The following TEAD1 variants were observed in gnomAD, a reference collection of about 807,000 sequenced individuals.
TEAD1 encodes the protein transcriptional enhancer factor TEF-1.
In TEAD1, 9 loss-of-function variants were observed where a neutral mutation model predicts 54.9. That is an observed-to-expected ratio of 0.16 (90% confidence interval 0.10 to 0.29). TEAD1 has a LOEUF of 0.29. Among genes scored for constraint, TEAD1 ranks in the 10% least tolerant of loss-of-function variants. The probability of loss-of-function intolerance (pLI) is 1.00; values close to 1 mark genes in which losing one functional copy is unlikely to be tolerated. For missense variants in TEAD1, 387 were observed against 535.9 expected, an observed-to-expected ratio of 0.72 and a Z score of 2.74; for synonymous variants, 200 against 187.8, an observed-to-expected ratio of 1.07 and a Z score of -0.53.
intron 2 of TEAD1, among the ~76,000 whole-genome samples, chr11:12,743,584 T>C (rs2133895551): frequency 6.6e-6 from 1 of 152,316 alleles, no homozygotes; most frequent in East Asian, 1.9e-4. Flanking sequence ...AACAGCCCCC[T>C]GCTAGGCATC....
intron 2 of TEAD1, among the ~76,000 whole-genome samples, chr11:12,694,873 G>A (rs1943546944): frequency 6.6e-6 from 1 of 152,232 alleles, no homozygotes; most frequent in Admixed American, 6.5e-5. Context: ...AATAGCATGG[G>A]TAGACAAACC....
At chr11:12,912,177 A>G (rs1295363339) in intron 10 of TEAD1, among the ~76,000 whole-genome samples, 1 of 152,180 alleles carries the variant, frequency 6.6e-6, no homozygotes, top group Admixed American at 6.5e-5. Flanking sequence ...AAGTCATTCA[A>G]CAAACATTTG....
At chr11:12,733,124 C>T (rs1944456955) in intron 2 of TEAD1, among the ~76,000 whole-genome samples, 1 of 152,204 alleles carries the variant, frequency 6.6e-6, no homozygotes, top group South Asian at 2.1e-4. Flanking sequence ...GATCCCTCAC[C>T]TGTTAAAGGA....
intron 3 of TEAD1, among the ~76,000 whole-genome samples, chr11:12,812,239 C>T (rs1530175): frequency 0.022 from 3,393 of 152,232 alleles, 146 homozygotes; most frequent in African/African-American, 0.076. Flanking sequence ...CCTCTTGCCA[C>T]CACTTATTCA....
At chr11:12,885,147 A>T (rs1430072727) in intron 9 of TEAD1, among the ~76,000 whole-genome samples, 2 of 152,184 alleles carry the variant, frequency 1.3e-5, no homozygotes, top group Admixed American at 1.3e-4. Context: ...AAACAGAAGG[A>T]AACAGGAGCC....
intron 3 of TEAD1, among the ~76,000 whole-genome samples, chr11:12,851,683 C>T (rs563225828): frequency 4.6e-5 from 7 of 151,972 alleles, no homozygotes; most frequent in African/African-American, 1.7e-4. Flanking sequence ...AACTGTAATC[C>T]CAGCTACTTG....
chr11:12,913,244 C>G (rs1948649617), intron 10 of TEAD1, among the ~76,000 whole-genome samples: 1 of 152,058 alleles, frequency 6.6e-6, no homozygotes, highest in Non-Finnish European at 1.5e-5. Context: ...ACGGTACCTC[C>G]TACCCCCCAG....
intron 2 of TEAD1, among the ~76,000 whole-genome samples, chr11:12,703,950 T>G (rs1564912210): frequency 6.6e-6 from 1 of 152,222 alleles, no homozygotes; most frequent in African/African-American, 2.4e-5. Context: ...GCAAATTGGC[T>G]AAAACCCTAA....
At chr11:12,931,693 G>T (rs185810450) in intron 12 of TEAD1, among the ~76,000 whole-genome samples, 1 of 152,008 alleles carries the variant, frequency 6.6e-6, no homozygotes, top group African/African-American at 2.4e-5. Context: ...TCAAGCTACC[G>T]ATAGCTATTC....
chr11:12,808,876 C>T (rs1040027712), intron 3 of TEAD1, among the ~76,000 whole-genome samples: 1 of 151,994 alleles, frequency 6.6e-6, no homozygotes, highest in Admixed American at 6.6e-5. Context: ...GCTCCCATTC[C>T]ATAAGGTGGC....
In TEAD1 at chr11:12,723,761, A is replaced by G. The variant is rs149949646; in HGVS notation, c.-54-40418A>G. 3.6e-3 allele frequency among the ~76,000 whole-genome samples: 555 copies of G among 152,352 alleles called. 5 individuals are homozygous for G. The highest frequency in any genetic ancestry group is 0.013 in the African/African-American group (528 of 41,576). ...AATTATGTAGTACAGAGTGAGGATA[A>G]AGAAAATCACAGTATTGTAACACAT... On this transcript the variant is annotated intron_variant, in intron 2 of 12. Transcript: ENST00000527636.
chr11:12,745,269 G>A (rs549459672), intron 2 of TEAD1, among the ~76,000 whole-genome samples: 1 of 152,202 alleles, frequency 6.6e-6, no homozygotes, highest in South Asian at 2.1e-4. Flanking sequence ...ACGGTGTGAT[G>A]TGCCCTGCAT....
chr11:12,819,641 C>T lies in TEAD1; in HGVS notation c.203-42609C>T, dbSNP rs1300180426. ...TTTTTTTTTGTATTTTTAGTAGAGA[C>T]GGGGTTTCACCATGTTAGCCAGGAT... On this transcript the variant is annotated intron_variant, in intron 3 of 12. Transcript: ENST00000527636. Among the ~76,000 whole-genome samples, 6 of 151,546 alleles carry T rather than the reference C, an allele frequency of 4.0e-5. No homozygotes were observed. The South Asian group carries it at 8.4e-4, about 21-fold the overall frequency.
At chr11:12,830,629 G>GCT (rs1418540731) in intron 3 of TEAD1, among the ~76,000 whole-genome samples, 2 of 152,014 alleles carry the variant, frequency 1.3e-5, no homozygotes, top group Admixed American at 1.3e-4. Context: ...TCTAGAACGT[G>GCT]CTCATCCTTT....
intron 9 of TEAD1, among the ~76,000 whole-genome samples, chr11:12,895,610 T>G (rs532391465): frequency 6.6e-6 from 1 of 152,344 alleles, no homozygotes; most frequent in African/African-American, 2.4e-5. Context: ...GTTCTTTCCC[T>G]TCCTCAGAAA....
chr11:12,803,618 G>A (rs767062322), intron 3 of TEAD1, among the ~76,000 whole-genome samples: 5 of 152,308 alleles, frequency 3.3e-5, no homozygotes, highest in South Asian at 2.1e-4. Context: ...GTGGCTCTCC[G>A]TGCTGGGACG....
chr11:12,885,402 A>C (rs1459280300), intron 9 of TEAD1, among the ~76,000 whole-genome samples: 1 of 151,484 alleles, frequency 6.6e-6, no homozygotes, highest in Non-Finnish European at 1.5e-5. Context: ...CGCCTGGCTA[A>C]TTTTTTTTGT....
At chr11:12,682,775 C>T (rs1234315143) in intron 2 of TEAD1, among the ~76,000 whole-genome samples, 1 of 152,132 alleles carries the variant, frequency 6.6e-6, no homozygotes, top group East Asian at 1.9e-4. Context: ...AACTCCCCTG[C>T]CCGGCAGAGT....
At position 12,837,839 on chromosome 11, in the gene TEAD1, G is replaced by C. The variant is rs542627121; in HGVS notation, c.203-24411G>C. Among the ~76,000 whole-genome samples the C allele has an allele frequency of 4.6e-5, 5 of 108,602 alleles. No individual in the cohort carries two copies. The South Asian group carries it at 1.5e-3, about 33-fold the overall frequency. The allele number at this position is 108,602 out of a possible 152,430, so 71.2% of individuals were successfully genotyped here. Reference sequence around the variant, plus strand: ...TTTTTTGAGACTGAGTTTTGCCCTTGTTGCCCAGGCTAGAGTGCAATGGCG... The same window carrying C: ...TTTTTTGAGACTGAGTTTTGCCCTTCTTGCCCAGGCTAGAGTGCAATGGCG... On this transcript the variant is annotated intron_variant, in intron 3 of 12. Transcript: ENST00000527636.
Sources: gnomAD v4.1 joint callset for allele counts (sites outside exome capture counted in the v4.1 genomes callset) on GRCh38, gnomAD v4.1.1 for gene constraint, MANE v1.5 for transcripts, NCBI Gene and HGNC (gene_info 2026-07-23, HGNC 2026-07-21) for gene names.